OOEP: variants seen among roughly 807,000 people sequenced by gnomAD.
OOEP encodes oocyte expressed protein, also known as oocyte-expressed protein homolog.
OOEP carries 16 observed loss-of-function variants against 13.7 expected under a neutral mutation model. The observed-to-expected ratio is 1.16, with a 90% CI of 0.79 to 1.77. The LOEUF (loss-of-function observed/expected upper bound fraction) is 1.77, where lower values mean the gene tolerates loss of function less well. Ranked by LOEUF, OOEP falls within the 40% of genes most tolerant of loss-of-function variation. The probability of loss-of-function intolerance (pLI) is 0.00; values close to 1 mark genes in which losing one functional copy is unlikely to be tolerated. For missense variants in OOEP, 195 were observed against 193.1 expected (o/e 1.01, Z -0.06); for synonymous variants, 89 against 77.1 (o/e 1.15, Z -0.81).
In OOEP at chr6:73,376,344, G is replaced by GTTTTT. The variant is rs70994194; in HGVS notation, c.26-6964_26-6960dup. On this transcript the variant is annotated intron_variant, in intron 2 of 3. Transcript: ENST00000370363. ...TCGCAGCTGTTTTGGACAAGGGGTT[G>GTTTTT]TTTTTTTTTTTTTTTTTTTTTTTTT... Among the ~76,000 whole-genome samples the GTTTTT allele has an allele frequency of 7.1e-3, 739 of 103,402 alleles. 105 individuals carry two copies. Among genetic ancestry groups the GTTTTT allele is most frequent in the African/African-American group, 0.027 (688 of 25,160 alleles). 67.8% of individuals were successfully genotyped at this position (103,402 alleles called of 152,430 possible).
At chr6:73,376,899 G>A (rs1428038171) in intron 2 of OOEP, among the ~76,000 whole-genome samples, 11 of 152,210 alleles carry the variant, frequency 7.2e-5, no homozygotes, top group African/African-American at 2.6e-4. Context: ...TGATCCACCC[G>A]CTTTGGCCTC....
chr6:73,372,003 G>A (rs1769065606), upstream of OOEP, among the ~76,000 whole-genome samples: 1 of 152,068 alleles, frequency 6.6e-6, no homozygotes, highest in Non-Finnish European at 1.5e-5. Flanking sequence ...AGCCCTTTAG[G>A]AGGTGGAGGC....
intron 2 of OOEP, among the ~76,000 whole-genome samples, chr6:73,382,000 CAAAA>C (rs1268116004): frequency 6.6e-6 from 1 of 151,840 alleles, no homozygotes; most frequent in Non-Finnish European, 1.5e-5. Context: ...ACAAAACAAA[CAAAA>C]AACAAAGGAT....
chr6:73,372,553 C>T (rs1017642919), upstream of OOEP, among the ~76,000 whole-genome samples: 3 of 151,982 alleles, frequency 2.0e-5, no homozygotes, highest in Non-Finnish European at 2.9e-5. Context: ...TTGGGGAGAC[C>T]GATAGGCCTT....
chr6:73,374,822 C>T (rs941576211), upstream of OOEP, among the ~76,000 whole-genome samples: 4 of 152,044 alleles, frequency 2.6e-5, no homozygotes, highest in Non-Finnish European at 2.9e-5. Flanking sequence ...TATTTATTTA[C>T]TTATTTATTT....
chr6:73,369,042 G>A (rs1769000836), intron 2 of OOEP, among the ~76,000 whole-genome samples, 164 bp downstream of exon 2: 1 of 152,148 alleles, frequency 6.6e-6, no homozygotes, highest in South Asian at 2.1e-4. Flanking sequence ...CTTTCCCAAG[G>A]TCCTACCCCA....
Position 73,389,436 on chromosome 6 carries a change from G to A in OOEP, c.25+4910C>T, listed in dbSNP as rs367722704. ...GGTGGGGAAAAGTAGGTGGTAGAAC[G>A]AACTTGAAAGGCCCGCAGGCATATC... On this transcript the variant is annotated intron_variant, in intron 2 of 3. Transcript: ENST00000370363. Among the ~76,000 whole-genome samples the A allele has an allele frequency of 1.1e-3, 166 of 152,126 alleles. 2 individuals carry two copies. In the South Asian group the frequency reaches 0.011, roughly 10 times the overall value.
exon 1 of OOEP, chr6:73,394,977 C>A: frequency 6.2e-7 from 1 of 1,614,222 alleles, no homozygotes; most frequent in Non-Finnish European, 8.5e-7. Context: ...CGACAGTGTC[C>A]CGAGCGCCAG....
chr6:73,379,286 A>T (rs1412213959), intron 2 of OOEP, among the ~76,000 whole-genome samples: 1 of 150,048 alleles, frequency 6.7e-6, no homozygotes, highest in East Asian at 2.1e-4. Context: ...AGCCTCCCAA[A>T]GTGCTAGGAT....
intron 2 of OOEP, among the ~76,000 whole-genome samples, chr6:73,385,733 G>A (rs145801191): frequency 0.012 from 1,771 of 151,820 alleles, 19 homozygotes; most frequent in Non-Finnish European, 0.019. Flanking sequence ...GATTATAGGC[G>A]CCTGCCACCA....
intron 2 of OOEP, among the ~76,000 whole-genome samples, chr6:73,382,994 G>C (rs1301602910): frequency 6.6e-6 from 1 of 151,068 alleles, no homozygotes; most frequent in Non-Finnish European, 1.5e-5. Flanking sequence ...GCGCCACCAT[G>C]CACGTCTAAT....
chr6:73,382,850 CTT>C (rs765716551), intron 2 of OOEP, among the ~76,000 whole-genome samples: 16 of 102,262 alleles, frequency 1.6e-4, no homozygotes, highest in African/African-American at 3.8e-4. Flanking sequence ...TGGTTTTTAA[CTT>C]TTTTTTTTTT....
At chr6:73,387,819 C>T (rs1769295049) in intron 2 of OOEP, 2 of 152,106 alleles carry the variant, frequency 1.3e-5, no homozygotes, top group African/African-American at 2.4e-5. Flanking sequence ...AATCATGGCT[C>T]CAAAGGCTGC....
intron 1 of OOEP, 65 bp from the exon 2 acceptor site, chr6:73,369,450 G>T: frequency 6.5e-7 from 1 of 1,548,400 alleles, no homozygotes; most frequent in Non-Finnish European, 8.8e-7. Context: ...GATTTGAAGG[G>T]AATGTTGGCC....
intron 2 of OOEP, among the ~76,000 whole-genome samples, chr6:73,379,123 C>G (rs902434860): frequency 6.6e-6 from 1 of 151,512 alleles, no homozygotes; most frequent in African/African-American, 2.4e-5. Context: ...CTCCAGGGTT[C>G]AAGCAATTAT....
At chr6:73,379,354 C>T (rs534835631) in intron 2 of OOEP, among the ~76,000 whole-genome samples, 1 of 149,548 alleles carries the variant, frequency 6.7e-6, no homozygotes, top group Non-Finnish European at 1.5e-5. Flanking sequence ...AAAACAAATT[C>T]AGTGGCCTGG....
chr6:73,392,998 C>A (rs945469988), intron 2 of OOEP, among the ~76,000 whole-genome samples: 12 of 151,986 alleles, frequency 7.9e-5, no homozygotes, highest in African/African-American at 2.9e-4. Flanking sequence ...GAGCTCCAGA[C>A]CTCAAGTGAT....
intron 2 of OOEP, among the ~76,000 whole-genome samples, chr6:73,386,557 C>T (rs765655088): frequency 2.6e-5 from 4 of 152,218 alleles, no homozygotes; most frequent in African/African-American, 9.6e-5. Context: ...AACTACAAAA[C>T]CTTGATGAAA....
intron 2 of OOEP, among the ~76,000 whole-genome samples, chr6:73,379,132 AT>A (rs1769169220): frequency 6.6e-6 from 1 of 151,494 alleles, no homozygotes; most frequent in African/African-American, 2.4e-5. Context: ...TCAAGCAATT[AT>A]CCTGCCTCAG....
Sources: gnomAD v4.1 joint callset for allele counts (sites outside exome capture counted in the v4.1 genomes callset) on GRCh38, gnomAD v4.1.1 for gene constraint, MANE v1.5 for transcripts, NCBI Gene and HGNC (gene_info 2026-07-23, HGNC 2026-07-21) for gene names.